The following RAPGEF1 variants were observed in gnomAD, a reference collection of about 807,000 sequenced individuals.
The protein encoded by RAPGEF1 is Rap guanine nucleotide exchange factor 1.
RAPGEF1 carries 33 observed loss-of-function variants against 143.3 expected under a neutral mutation model. The ratio of observed to expected loss-of-function variants is 0.23; its 90% CI spans 0.17 to 0.31. The LOEUF is 0.31. RAPGEF1 is among the 10% of genes least tolerant of loss of function. RAPGEF1 has a pLI of 1.00. For missense variants in RAPGEF1, 1,199 were observed against 1,645.4 expected (o/e 0.73, Z 4.69); for synonymous variants, 629 against 676.5 (o/e 0.93, Z 1.09).
At chr9:131,608,184 A>G (rs903978771) in intron 12 of RAPGEF1, among the ~76,000 whole-genome samples, 1 of 152,144 alleles carries the variant, frequency 6.6e-6, no homozygotes, top group African/African-American at 2.4e-5. Context: ...GTTCCGCGAG[A>G]CGCAGAGCGC....
At chr9:131,693,829 G>A (rs1833949110) in intron 1 of RAPGEF1, among the ~76,000 whole-genome samples, 1 of 151,904 alleles carries the variant, frequency 6.6e-6, no homozygotes, top group Non-Finnish European at 1.5e-5. Flanking sequence ...TTATCTGCCT[G>A]CAAATACAAG....
rs17148121 is a variant in RAPGEF1 at position 131,628,423 on chromosome 9, C to G, written c.1017+126G>C. The G allele has an allele frequency of 7.7e-7, 1 of 1,297,628 alleles. No homozygotes were observed. Among genetic ancestry groups the G allele is most frequent in the Non-Finnish European group, 1.1e-6 (1 of 948,982 alleles). 80.4% of individuals were successfully genotyped at this position (1,297,628 alleles called of 1,614,324 possible). A position where few individuals can be genotyped will look rare whatever the true frequency, so the allele number is the denominator to read the frequency against. On this transcript the variant is annotated intron_variant, in intron 8 of 26. Coordinates refer to ENST00000683357, the MANE Select transcript of RAPGEF1 (RefSeq NM_001377935.1). This position sits in a 1 kb window ranked among gnomAD's most constrained non-coding sequence, Gnocchi z 5.7. ...AGAGAGAGGGATGGGTACAAGGTCT[C>G]GCACTCCTCGATGTGACAAACACCA...
chr9:131,638,089 A>G (rs1966831165), intron 5 of RAPGEF1, among the ~76,000 whole-genome samples: 1 of 152,230 alleles, frequency 6.6e-6, no homozygotes, highest in Admixed American at 6.5e-5. Flanking sequence ...CCTGACCCCA[A>G]TTCCAGACCT....
intron 25 of RAPGEF1, 33 bp downstream of exon 25, chr9:131,582,572 C>T (rs745764460): frequency 7.0e-6 from 10 of 1,438,390 alleles, no homozygotes; most frequent in South Asian, 1.4e-5. Context: ...CAAACCCAGG[C>T]GGGGCTGGGG....
Position 131,587,808 on chromosome 9 carries a change from G to A in RAPGEF1, c.3161C>T (p.Ala1054Val). 1.2e-6 allele frequency: 2 copies of A among 1,613,738 alleles called. No homozygotes were observed. Among genetic ancestry groups the A allele is most frequent in the Non-Finnish European group, 1.7e-6 (2 of 1,179,782 alleles). Reference sequence around the variant, plus strand: ...GCTCTTCTCCTCATTCTGCTCTTTTGCCCAAAGCAAAACCTCAGGAATCTA... The same window carrying A: ...GCTCTTCTCCTCATTCTGCTCTTTTACCCAAAGCAAAACCTCAGGAATCTA... Reference protein sequence around the residue: ...KIEIPEVLLWAKEQNEEKSPN... With the variant: ...KIEIPEVLLWVKEQNEEKSPN... Residue 1054 changes from alanine (A) to valine (V), a missense_variant, in exon 22 of 27, where the codon GCA becomes GTA. By Grantham distance (64) the Ala-to-Val change is moderately conservative (BLOSUM62 0). This residue lies in a region of RAPGEF1 where 209 missense variants were observed against 403.0 expected (regional missense o/e 0.52). Coordinates refer to ENST00000683357, the MANE Select transcript of RAPGEF1 (RefSeq NM_001377935.1).
intron 12 of RAPGEF1, among the ~76,000 whole-genome samples, chr9:131,605,997 C>A (rs1957063987): frequency 6.6e-6 from 1 of 152,052 alleles, no homozygotes. Flanking sequence ...TCACTTGAGC[C>A]CAGAAGGCAG....
chr9:131,628,089 T>C lies in RAPGEF1; in HGVS notation c.1025A>G (p.Asp342Gly), dbSNP rs1266892989. 3.9e-6 allele frequency: 6 copies of C among 1,545,258 alleles called. 1 individual carries two copies. In the South Asian group the frequency reaches 7.1e-5, roughly 18 times the overall value. ...TCGCCTCTGTGCGTAACAGTCAACA[T>C]CAAAATCCTCAAGTGGAAAAAGAAA... The part of the protein sequence containing the change: ...LPVGINRQDF[D>G]VDCYAQRRLS... The change falls in exon 9 of 27, where the codon GAT becomes GGT. Residue 342 changes from aspartate (D) to glycine (G), a missense_variant. Asp to Gly is a moderately conservative substitution (Grantham distance 94). This residue lies in a region of RAPGEF1 where 613 missense variants were observed against 710.9 expected (regional missense o/e 0.86). Transcript: ENST00000683357. This position sits in a 1 kb window ranked among gnomAD's most constrained non-coding sequence, Gnocchi z 5.7.
intron 15 of RAPGEF1, 134 bp downstream of exon 15, chr9:131,601,927 T>C (rs1028640460): frequency 1.2e-5 from 8 of 652,500 alleles, no homozygotes; most frequent in Admixed American, 9.1e-5. Flanking sequence ...AAAAAGGAAA[T>C]AAGGAAAGAA....
chr9:131,592,265 C>G, intron 17 of RAPGEF1, 82 bp from the exon 18 acceptor site: 1 of 1,140,700 alleles, frequency 8.8e-7, no homozygotes, highest in South Asian at 1.3e-5. Flanking sequence ...TGAGTCCTTG[C>G]TCTGAGAGAG....
In RAPGEF1 at chr9:131,630,240, C is replaced by A. The variant is rs1165698903; in HGVS notation, c.736G>T (p.Asp246Tyr). 6.2e-7 allele frequency: 1 copy of A among 1,613,496 alleles called. No homozygotes were observed. The highest frequency in any genetic ancestry group is 8.5e-7 in the Non-Finnish European group (1 of 1,179,602). ...CGAGGGTTAGTCAGCACCTACCCATCAGGCTTGCTGGCAGGGGAACTGGGC... is the reference window on the plus strand; with the variant it reads ...CGAGGGTTAGTCAGCACCTACCCATAAGGCTTGCTGGCAGGGGAACTGGGC... Reference protein sequence around the residue: ...VKPSSPASKPDGPAELPLTDR... With the variant: ...VKPSSPASKPYGPAELPLTDR... The change falls in exon 6 of 27, where the codon GAT becomes TAT. Residue 246 changes from aspartate (D) to tyrosine (Y), a missense_variant. Around this residue, in one of 6 missense-constraint regions of RAPGEF1, gnomAD observed 613 missense variants for 710.9 expected, o/e 0.86. Coordinates refer to ENST00000683357, the MANE Select transcript of RAPGEF1 (RefSeq NM_001377935.1).
chr9:131,728,779 T>A (rs376459754), intron 1 of RAPGEF1, among the ~76,000 whole-genome samples: 36 of 152,300 alleles, frequency 2.4e-4, no homozygotes, highest in African/African-American at 8.2e-4. Flanking sequence ...AATGGTCACT[T>A]TAGAGTAGAA....
chr9:131,723,039 T>C (rs964687781), intron 1 of RAPGEF1, among the ~76,000 whole-genome samples: 3 of 151,686 alleles, frequency 2.0e-5, no homozygotes, highest in Non-Finnish European at 4.4e-5. Context: ...ACTAAAAATA[T>C]AACAATTAGC....
intron 1 of RAPGEF1, among the ~76,000 whole-genome samples, chr9:131,690,881 T>A (rs1301035445): frequency 6.6e-6 from 1 of 152,256 alleles, no homozygotes; most frequent in African/African-American, 2.4e-5. Flanking sequence ...TTTTAAGTCT[T>A]GTTATCTACA....
chr9:131,628,211 A>G lies in RAPGEF1; in HGVS notation c.1018-115T>C. 5 of 996,542 alleles carry G rather than the reference A, an allele frequency of 5.0e-6. No individual in the cohort carries two copies. Among genetic ancestry groups the G allele is most frequent in the Non-Finnish European group, 7.2e-6 (5 of 699,032 alleles). 61.7% of individuals were successfully genotyped at this position (996,542 alleles called of 1,614,324 possible). On this transcript the variant is annotated intron_variant, in intron 8 of 26. Transcript: ENST00000683357. The surrounding 1 kb of genome is among the most constrained non-coding windows in gnomAD (Gnocchi z 5.7). ...GAAGGAAATACTGCCAGGCGAACTC[A>G]GAAACCACCTCTGACGTCAGTAGTC...
intron 1 of RAPGEF1, among the ~76,000 whole-genome samples, chr9:131,656,122 G>C (rs910312705): frequency 1.2e-4 from 19 of 152,184 alleles, no homozygotes; most frequent in African/African-American, 4.6e-4. Flanking sequence ...AAGGAGCTTG[G>C]ATGCATAGCA....
At chr9:131,666,200 T>C (rs1830402950) in intron 1 of RAPGEF1, among the ~76,000 whole-genome samples, 1 of 152,182 alleles carries the variant, frequency 6.6e-6, no homozygotes, top group African/African-American at 2.4e-5. Flanking sequence ...AGACAACTCA[T>C]TCAGGAACTT....
chr9:131,608,310 T>C (rs77788973), intron 12 of RAPGEF1, among the ~76,000 whole-genome samples: 13,574 of 152,256 alleles, frequency 0.089, 688 homozygotes, highest in Middle Eastern at 0.27. Flanking sequence ...ACTGGGGCAT[T>C]CAGTAGGGGC....
intron 6 of RAPGEF1, 60 bp from the exon 7 acceptor site, chr9:131,629,314 A>G: frequency 6.6e-7 from 1 of 1,507,464 alleles, no homozygotes; most frequent in Non-Finnish European, 9.1e-7. Flanking sequence ...GAGCACACAC[A>G]GGCCCTGAGA....
chr9:131,626,989 T>G (rs1182126384), intron 9 of RAPGEF1, among the ~76,000 whole-genome samples: 2 of 54,652 alleles, frequency 3.7e-5, no homozygotes, highest in Non-Finnish European at 6.6e-5. Context: ...GAGGCTGAGG[T>G]GGGCAGATCA....
Sources: gnomAD v4.1 joint callset for allele counts (sites outside exome capture counted in the v4.1 genomes callset) on GRCh38, gnomAD v4.1.1 for gene constraint, gnomAD v4.1.1 regional missense constraint, Gnocchi (gnomAD v3.1) non-coding constraint, MANE v1.5 for transcripts, NCBI Gene and HGNC (gene_info 2026-07-23, HGNC 2026-07-21) for gene names.